Variants in TMEM39B observed in about 807,000 individuals in gnomAD.
The protein encoded by TMEM39B is transmembrane protein 39B.
In TMEM39B, 23 loss-of-function variants were observed where a neutral mutation model predicts 52.2. That is an observed-to-expected ratio of 0.44 (90% confidence interval 0.32 to 0.62). The LOEUF is 0.62. Ranked by LOEUF, TMEM39B falls within the 20% of genes least tolerant of loss-of-function variation. The probability of loss-of-function intolerance (pLI) is 0.06; values close to 1 mark genes in which losing one functional copy is unlikely to be tolerated. For synonymous variants in TMEM39B, 285 were observed against 264.0 expected (o/e 1.08, Z -0.77); for missense variants, 547 against 642.0 (o/e 0.85, Z 1.60).
chr1:32,100,134 G>A (rs574017899), intron 7 of TMEM39B, among the ~76,000 whole-genome samples: 74 of 152,266 alleles, frequency 4.9e-4, no homozygotes, highest in African/African-American at 1.7e-3. Context: ...CAACTGTGTG[G>A]TGGACCACTT....
intron 6 of TMEM39B, 77 bp downstream of exon 6, chr1:32,092,088 G>C: frequency 5.1e-6 from 7 of 1,373,530 alleles, no homozygotes; most frequent in South Asian, 1.3e-5. Flanking sequence ...GAGTTCTCCT[G>C]CTGGCCTAAC....
chr1:32,076,876 C>T lies in TMEM39B; in HGVS notation c.435+30C>T, dbSNP rs200329617. 436 of 1,609,994 alleles carry T rather than the reference C, an allele frequency of 2.7e-4. 3 individuals carry two copies. The East Asian group carries it at 9.0e-3, about 33-fold the overall frequency. ...TTGGGTCCTAGAGGCTGGCCAGGGA[C>T]TTTGGGATTCCCCTTTTCCCCTGGG... On this transcript the variant is annotated intron_variant, in intron 4 of 8. Coordinates refer to ENST00000336294, the MANE Select transcript of TMEM39B (RefSeq NM_018056.4).
chr1:32,073,422 A>G, intron 1 of TMEM39B: 2 of 479,190 alleles, frequency 4.2e-6, no homozygotes, highest in Non-Finnish European at 5.7e-6. Flanking sequence ...GAGGGGTTAC[A>G]CTGGGGGCGG....
chr1:32,089,284 A>G (rs1031148014), intron 5 of TMEM39B, among the ~76,000 whole-genome samples: 2 of 151,852 alleles, frequency 1.3e-5, no homozygotes, highest in African/African-American at 4.8e-5. Flanking sequence ...AACTATAGGC[A>G]TGTAGTCTGG....
At chr1:32,074,745 G>A (rs1005856850) in intron 1 of TMEM39B, among the ~76,000 whole-genome samples, 13 of 152,102 alleles carry the variant, frequency 8.5e-5, no homozygotes, top group African/African-American at 3.1e-4. Flanking sequence ...AAGATGTTTA[G>A]AGCATGGGGC....
At chr1:32,086,761 T>C (rs1296551141) in intron 5 of TMEM39B, among the ~76,000 whole-genome samples, 1 of 150,446 alleles carries the variant, frequency 6.6e-6, no homozygotes. Context: ...AGCCAGGCCC[T>C]GTCTCAAAAA....
intron 6 of TMEM39B, 100 bp from the exon 7 acceptor site, chr1:32,094,684 C>T: frequency 7.4e-7 from 1 of 1,349,722 alleles, no homozygotes; most frequent in South Asian, 1.3e-5. Flanking sequence ...GAGGTCTCCC[C>T]AGGACTGTCC....
intron 5 of TMEM39B, among the ~76,000 whole-genome samples, chr1:32,086,257 G>T (rs562399982): frequency 6.6e-6 from 1 of 152,180 alleles, no homozygotes; most frequent in South Asian, 2.1e-4. Context: ...TCTATCATAT[G>T]TGCCCACTTC....
chr1:32,077,147 A>G lies in TMEM39B; in HGVS notation c.436-17A>G. On this transcript the variant is annotated splice_polypyrimidine_tract_variant and intron_variant, in intron 4 of 8. Transcript: ENST00000336294. Reference sequence around the variant, plus strand: ...TCCATCCAAGGCCCCATCCCGTCCTATCTTGCCCCGACCCAGGCCTCTCAG... The same window carrying G: ...TCCATCCAAGGCCCCATCCCGTCCTGTCTTGCCCCGACCCAGGCCTCTCAG... 1 of 1,613,540 alleles carries G rather than the reference A, an allele frequency of 6.2e-7. No homozygotes were observed. The highest frequency in any genetic ancestry group is 8.5e-7 in the Non-Finnish European group (1 of 1,179,774).
chr1:32,073,448 TC>T, intron 1 of TMEM39B: 1 of 756,196 alleles, frequency 1.3e-6, no homozygotes, highest in Non-Finnish European at 1.7e-6. Context: ...CGGGGAGACT[TC>T]CGACTGAGGG....
chr1:32,088,244 G>A (rs1256966698), intron 5 of TMEM39B, among the ~76,000 whole-genome samples: 3 of 148,692 alleles, frequency 2.0e-5, no homozygotes, highest in Admixed American at 6.8e-5. Flanking sequence ...GTGAAACCCC[G>A]TCTCTACCAA....
chr1:32,077,157 G>A lies in TMEM39B; in HGVS notation c.436-7G>A, dbSNP rs371321787. ...GCCCCATCCCGTCCTATCTTGCCCC[G>A]ACCCAGGCCTCTCAGAGGGGGAAGG... is the stretch of plus-strand genomic sequence containing the variant. On this transcript the variant is annotated splice_polypyrimidine_tract_variant and splice_region_variant and intron_variant, in intron 4 of 8. Coordinates refer to ENST00000336294, the MANE Select transcript of TMEM39B (RefSeq NM_018056.4). The A allele has an allele frequency of 7.7e-5, 125 of 1,613,644 alleles. No individual in the cohort carries two copies. Among genetic ancestry groups the A allele is most frequent in the Middle Eastern group, 1.6e-4 (1 of 6,078 alleles).
At position 32,102,453 on chromosome 1, in the gene TMEM39B, G is replaced by A. The variant is rs891566328; in HGVS notation, c.1259G>A (p.Arg420Gln). ...CAGTTCTTTTTCAGCAAACCCCTGC[G>A]GATCCTCAACATCCTCCTGCTGCTG... ...RFHFFFSKPL[R>Q]ILNILLLLEG... The change falls in exon 9 of 9, where the codon CGG (arginine) becomes CAG (glutamine). Residue 420 changes from arginine to glutamine, a missense_variant. Arg to Gln is a conservative substitution (Grantham distance 43, BLOSUM62 1). Coordinates refer to ENST00000336294, the MANE Select transcript of TMEM39B (RefSeq NM_018056.4). 3.1e-6 allele frequency: 5 copies of A among 1,613,740 alleles called. No individual in the cohort carries two copies. The highest frequency in any genetic ancestry group is 2.2e-5 in the East Asian group (1 of 44,864).
At chr1:32,093,399 CTT>C (rs34793281) in intron 6 of TMEM39B, among the ~76,000 whole-genome samples, 127 of 50,320 alleles carry the variant, frequency 2.5e-3, no homozygotes, top group Admixed American at 5.1e-3. Context: ...AAGCCCGGCC[CTT>C]TTTTTTTTTT....
At chr1:32,072,757 G>C (rs964912184), upstream of TMEM39B, 13 of 506,712 alleles carry the variant, frequency 2.6e-5, no homozygotes, top group Admixed American at 2.7e-4. Flanking sequence ...AAGAGCAGGA[G>C]GTGGGTTCCG....
chr1:32,102,350 C>A, intron 8 of TMEM39B, 81 bp from the exon 9 acceptor site: 5 of 1,551,894 alleles, frequency 3.2e-6, no homozygotes, highest in Non-Finnish European at 4.4e-6. Context: ...CTGTCCCCTT[C>A]ACTGGCCCAC....
Position 32,083,409 on chromosome 1 carries a change from C to CTTTTT in TMEM39B, c.590+6117_590+6121dup, listed in dbSNP as rs1052027069. 3.1e-3 allele frequency among the ~76,000 whole-genome samples: 171 copies of CTTTTT among 54,626 alleles called. 4 individuals carry two copies. The highest frequency in any genetic ancestry group is 5.7e-3 in the African/African-American group (73 of 12,874). The allele number at this position is 54,626 out of a possible 152,430, so 35.8% of individuals were successfully genotyped here. A position where few individuals can be genotyped will look rare whatever the true frequency, so the allele number is the denominator to read the frequency against. On this transcript the variant is annotated intron_variant, in intron 5 of 8. Transcript: ENST00000336294. ...GCAGGAACATTTTTTTAAAGGACTT[C>CTTTTT]TTTTTTTTTTTTTTTTTTTTTTTTT... is the stretch of plus-strand genomic sequence containing the variant.
chr1:32,095,201 A>G (rs891379092), intron 7 of TMEM39B, among the ~76,000 whole-genome samples: 1 of 152,150 alleles, frequency 6.6e-6, no homozygotes, highest in Admixed American at 6.5e-5. Context: ...ATGGTAATTC[A>G]TGGACTTGTT....
chr1:32,093,429 T>A (rs1254989851), intron 6 of TMEM39B, among the ~76,000 whole-genome samples: 18 of 88,966 alleles, frequency 2.0e-4, no homozygotes, highest in Non-Finnish European at 3.9e-4. Flanking sequence ...TTTTTTTTTT[T>A]AAGACTAGGT....
Sources: gnomAD v4.1 joint callset for allele counts (sites outside exome capture counted in the v4.1 genomes callset) on GRCh38, gnomAD v4.1.1 for gene constraint, MANE v1.5 for transcripts, NCBI Gene and HGNC (gene_info 2026-07-23, HGNC 2026-07-21) for gene names.